Variants in CPQ observed in about 807,000 individuals in gnomAD.
The protein encoded by CPQ is carboxypeptidase Q, also known as Ser-Met dipeptidase.
Under a neutral mutation model 45.7 loss-of-function variants are expected in CPQ, and 37 were observed. That is an observed-to-expected ratio of 0.81 (90% confidence interval 0.62 to 1.07). CPQ has a LOEUF of 1.07. Ranked by LOEUF, CPQ falls within the 50% of genes least tolerant of loss-of-function variation. CPQ has a pLI of 0.00. For synonymous variants in CPQ, 186 were observed against 205.8 expected (o/e 0.90, Z 0.82); for missense variants, 537 against 572.9 (o/e 0.94, Z 0.64).
intron 5 of CPQ, among the ~76,000 whole-genome samples, chr8:96,968,334 A>ATGAT (rs1351084313): frequency 6.6e-6 from 1 of 152,080 alleles, no homozygotes; most frequent in African/African-American, 2.4e-5. Flanking sequence ...CTCACTTTCC[A>ATGAT]TGATTGCACC....
intron 5 of CPQ, among the ~76,000 whole-genome samples, chr8:97,011,735 T>C (rs1809487936): frequency 6.6e-6 from 1 of 152,218 alleles, no homozygotes; most frequent in African/African-American, 2.4e-5. Context: ...TTGAAAATTA[T>C]ATGAGCTATT....
chr8:96,921,393 A>G (rs1563529424), intron 4 of CPQ, among the ~76,000 whole-genome samples: 1 of 152,192 alleles, frequency 6.6e-6, no homozygotes, highest in Non-Finnish European at 1.5e-5. Context: ...AGCTTCCAGA[A>G]CCTAATGCCT....
At position 97,043,662 on chromosome 8, in the gene CPQ, G is replaced by A. The variant is rs542311571; in HGVS notation, c.1053+14168G>A. Among the ~76,000 whole-genome samples the A allele has an allele frequency of 2.6e-5, 4 of 152,290 alleles. No individual in the cohort carries two copies. The South Asian group carries it at 8.3e-4, about 32-fold the overall frequency. On this transcript the variant is annotated intron_variant, in intron 6 of 7. Coordinates refer to ENST00000220763, the MANE Select transcript of CPQ (RefSeq NM_016134.4). The stretch of plus-strand genomic sequence containing the variant: ...TCCATGTTTAGTGCTTCCTTCAGGA[G>A]CTCTTTTAGGGCAGGCCTGGTGGTG...
At chr8:96,996,468 A>G (rs1809180749) in intron 5 of CPQ, among the ~76,000 whole-genome samples, 1 of 152,008 alleles carries the variant, frequency 6.6e-6, no homozygotes, top group South Asian at 2.1e-4. Flanking sequence ...TCTCTGCTTA[A>G]TAAGTACCAA....
chr8:96,991,429 G>T (rs1344714442), intron 5 of CPQ, among the ~76,000 whole-genome samples: 1 of 151,858 alleles, frequency 6.6e-6, no homozygotes, highest in Non-Finnish European at 1.5e-5. Flanking sequence ...GGTGGCAGGT[G>T]CCTCTTGTCC....
intron 1 of CPQ, among the ~76,000 whole-genome samples, chr8:96,671,884 G>A (rs1809008441): frequency 6.6e-6 from 1 of 152,080 alleles, no homozygotes; most frequent in Non-Finnish European, 1.5e-5. Context: ...TTGAAAACTT[G>A]GGGCAACTAA....
chr8:96,693,341 G>T (rs542658247), intron 1 of CPQ, among the ~76,000 whole-genome samples: 41 of 151,756 alleles, frequency 2.7e-4, no homozygotes, highest in Non-Finnish European at 5.6e-4. Flanking sequence ...CCTAGAGAAA[G>T]ATATCAATAT....
chr8:96,961,233 G>T (rs1330403179), intron 4 of CPQ, among the ~76,000 whole-genome samples: 1 of 152,076 alleles, frequency 6.6e-6, no homozygotes, highest in Non-Finnish European at 1.5e-5. Context: ...TAAATTTTTT[G>T]CCAGATAGTT....
chr8:96,746,470 A>G (rs1208046827), intron 1 of CPQ, among the ~76,000 whole-genome samples: 2 of 152,094 alleles, frequency 1.3e-5, no homozygotes, highest in African/African-American at 4.8e-5. Flanking sequence ...AGAATAGAAA[A>G]ACCTTTCTGT....
chr8:96,652,337 T>C (rs1815585898), intron 1 of CPQ, among the ~76,000 whole-genome samples: 1 of 152,240 alleles, frequency 6.6e-6, no homozygotes, highest in Non-Finnish European at 1.5e-5. Context: ...AGTATTTCAT[T>C]GTGCATATGT....
intron 7 of CPQ, among the ~76,000 whole-genome samples, chr8:97,141,802 T>C (rs1252639047): frequency 1.3e-5 from 2 of 152,132 alleles, no homozygotes; most frequent in Non-Finnish European, 2.9e-5. Flanking sequence ...ACTAGAGCTA[T>C]ACACAACAGC....
intron 2 of CPQ, among the ~76,000 whole-genome samples, chr8:96,817,667 G>C (rs1390618471): frequency 6.6e-6 from 1 of 151,370 alleles, no homozygotes; most frequent in Non-Finnish European, 1.5e-5. Flanking sequence ...AGGCTGCACT[G>C]CTTTGGTGCA....
chr8:96,801,294 C>T (rs532846578), intron 2 of CPQ, among the ~76,000 whole-genome samples: 6 of 152,046 alleles, frequency 3.9e-5, no homozygotes, highest in African/African-American at 1.2e-4. Context: ...ATCTTAAAAA[C>T]AAAAATCCAC....
At chr8:96,904,159 G>A (rs966531716) in intron 4 of CPQ, among the ~76,000 whole-genome samples, 3 of 152,158 alleles carry the variant, frequency 2.0e-5, no homozygotes, top group African/African-American at 7.2e-5. Context: ...TTTGATAGAT[G>A]TCTTTAGGGG....
intron 1 of CPQ, among the ~76,000 whole-genome samples, chr8:96,681,279 GT>G (rs1319332528): frequency 1.3e-5 from 2 of 151,938 alleles, no homozygotes; most frequent in African/African-American, 4.8e-5. Context: ...AGGAAAAGGT[GT>G]TTTTTTTGGC....
At position 96,669,497 on chromosome 8, in the gene CPQ, G is replaced by A. The variant is rs140599504; in HGVS notation, c.-35+24095G>A. On this transcript the variant is annotated intron_variant, in intron 1 of 7. Transcript: ENST00000220763. Reference sequence around the variant, plus strand: ...GTGTCAGAGAAATCCAACTAAAATGGATGTGGAGTCTCATAACATAATATA... The same window carrying A: ...GTGTCAGAGAAATCCAACTAAAATGAATGTGGAGTCTCATAACATAATATA... 1.3e-3 allele frequency among the ~76,000 whole-genome samples: 202 copies of A among 152,202 alleles called. 1 individual carries two copies. The highest frequency in any genetic ancestry group is 4.4e-3 in the African/African-American group (184 of 41,516).
chr8:96,761,011 A>G (rs956218604), intron 1 of CPQ: 28 of 152,290 alleles, frequency 1.8e-4, no homozygotes, highest in African/African-American at 6.0e-4. Context: ...TGTGTTGATT[A>G]AACTGTGGTG....
chr8:97,099,550 GT>G (rs1200145139), intron 7 of CPQ, among the ~76,000 whole-genome samples: 7,209 of 142,902 alleles, frequency 0.05, 229 homozygotes, highest in East Asian at 0.091. Context: ...AGATATGTGT[GT>G]TTTTTTTTTT....
chr8:97,029,706 A>G (rs1445845802), intron 6 of CPQ, among the ~76,000 whole-genome samples: 1 of 152,044 alleles, frequency 6.6e-6, no homozygotes, highest in Non-Finnish European at 1.5e-5. Context: ...CTTCTTCTAC[A>G]CCACAGTCTG....
Sources: allele counts gnomAD v4.1 joint callset (sites outside exome capture counted in the v4.1 genomes callset), GRCh38; gene constraint gnomAD v4.1.1; transcripts MANE v1.5; gene names NCBI Gene and HGNC (gene_info 2026-07-23, HGNC 2026-07-21).